Variants in ARHGAP22 observed in about 807,000 individuals in gnomAD.
ARHGAP22 encodes rho GTPase-activating protein 22.
Under a neutral mutation model 59.1 loss-of-function variants are expected in ARHGAP22, and 48 were observed. The ratio of observed to expected loss-of-function variants is 0.81; its 90% CI spans 0.64 to 1.03. ARHGAP22 has a LOEUF of 1.03. Ranked by LOEUF, ARHGAP22 falls within the 50% of genes least tolerant of loss-of-function variation. The pLI, the probability that ARHGAP22 is intolerant of heterozygous loss-of-function variation, is 0.00. For missense variants in ARHGAP22, 1,015 were observed against 958.7 expected, an observed-to-expected ratio of 1.06 and a Z score of -0.78; for synonymous variants, 445 against 416.4, an observed-to-expected ratio of 1.07 and a Z score of -0.84.
intron 4 of ARHGAP22, among the ~76,000 whole-genome samples, chr10:48,472,414 C>T (rs983552047): frequency 2.0e-4 from 31 of 152,058 alleles, no homozygotes; most frequent in Admixed American, 1.8e-3. Context: ...ATCCCAGCTA[C>T]TCAGGAGGCT....
intron 3 of ARHGAP22, among the ~76,000 whole-genome samples, chr10:48,520,873 G>A (rs1263275458): frequency 1.3e-5 from 2 of 152,124 alleles, no homozygotes; most frequent in African/African-American, 2.4e-5. Context: ...CTACCAGTCC[G>A]CTCCTGCCCC....
chr10:48,451,909 A>G (rs2046001788), intron 8 of ARHGAP22, among the ~76,000 whole-genome samples: 1 of 147,654 alleles, frequency 6.8e-6, no homozygotes, highest in South Asian at 2.2e-4. Flanking sequence ...GCCTCCCCAA[A>G]TCCCCCCATA....
At chr10:48,601,566 G>A (rs1036456005) in intron 1 of ARHGAP22, among the ~76,000 whole-genome samples, 18 of 152,116 alleles carry the variant, frequency 1.2e-4, no homozygotes, top group African/African-American at 4.3e-4. Context: ...TGAAGATTTT[G>A]TTTCTTTTAC....
At chr10:48,466,272 C>T (rs1035071049) in intron 4 of ARHGAP22, among the ~76,000 whole-genome samples, 9 of 151,978 alleles carry the variant, frequency 5.9e-5, no homozygotes, top group Admixed American at 3.3e-4. Context: ...TCCCTGCGCC[C>T]CCCCCCAGAC....
intron 2 of ARHGAP22, among the ~76,000 whole-genome samples, chr10:48,569,140 G>T (rs2058242942): frequency 6.6e-6 from 1 of 152,172 alleles, no homozygotes; most frequent in African/African-American, 2.4e-5. Context: ...TATGCTCTGG[G>T]GTATATGGTG....
At position 48,597,639 on chromosome 10, in the gene ARHGAP22, A is replaced by G. The variant is rs566118197; in HGVS notation, c.34+7124T>C. Among the ~76,000 whole-genome samples the G allele has an allele frequency of 1.3e-3, 195 of 152,302 alleles. 2 individuals carry two copies. Among genetic ancestry groups the G allele is most frequent in the East Asian group, 1.2e-3 (6 of 5,178 alleles). Reference sequence around the variant, plus strand: ...TGTAGGCCCTGTTTCTTGCTCCCGCAGGCTGTGCCCCTTGGAAGCCTCTCT... The same window carrying G: ...TGTAGGCCCTGTTTCTTGCTCCCGCGGGCTGTGCCCCTTGGAAGCCTCTCT... On this transcript the variant is annotated intron_variant, in intron 1 of 9. Coordinates refer to ENST00000249601, the MANE Select transcript of ARHGAP22 (RefSeq NM_021226.4).
chr10:48,466,295 T>C (rs921112517), intron 4 of ARHGAP22, among the ~76,000 whole-genome samples: 76 of 150,908 alleles, frequency 5.0e-4, no homozygotes, highest in African/African-American at 1.5e-3. Context: ...TAAGTCCTCG[T>C]CTCTACATGC....
Position 48,635,069 on chromosome 10 carries a change from C to T in ARHGAP22, c.52+17165G>A, listed in dbSNP as rs757155793. 1.5e-3 allele frequency among the ~76,000 whole-genome samples: 223 copies of T among 152,208 alleles called. 1 individual carries two copies. Among genetic ancestry groups the T allele is most frequent in the Middle Eastern group, 6.8e-3 (2 of 294 alleles). ...CCCGAGGTGCTTTGTCATGGCAGCC[C>T]GAGCAGACTCATGTACCTGCCCTCC... On this transcript the variant is annotated intron_variant, in intron 1 of 9. Transcript: ENST00000435790.
At chr10:48,607,002 C>G (rs1372323624), upstream of ARHGAP22, among the ~76,000 whole-genome samples, 1 of 152,168 alleles carries the variant, frequency 6.6e-6, no homozygotes, top group East Asian at 1.9e-4. Flanking sequence ...CTGGTTGGGA[C>G]AGGGGCCACC....
intron 4 of ARHGAP22, among the ~76,000 whole-genome samples, chr10:48,467,963 C>T (rs1324646626): frequency 6.6e-6 from 1 of 152,194 alleles, no homozygotes; most frequent in Non-Finnish European, 1.5e-5. Context: ...ACAAGCCAGG[C>T]ACTCACCACA....
At chr10:48,496,290 ATCC>A (rs2050920021) in intron 3 of ARHGAP22, among the ~76,000 whole-genome samples, 2 of 152,092 alleles carry the variant, frequency 1.3e-5, no homozygotes. Flanking sequence ...AGGATATACA[ATCC>A]TCACATCTCT....
chr10:48,615,416 A>G (rs978211151), intron 1 of ARHGAP22, among the ~76,000 whole-genome samples: 3 of 152,252 alleles, frequency 2.0e-5, no homozygotes, highest in African/African-American at 4.8e-5. Flanking sequence ...TTATTTCAGA[A>G]AAGTTATTAA....
intron 1 of ARHGAP22, among the ~76,000 whole-genome samples, chr10:48,583,882 G>A (rs2059268538): frequency 6.6e-6 from 1 of 152,196 alleles, no homozygotes; most frequent in African/African-American, 2.4e-5. Context: ...GCCTCTGAGT[G>A]CCCGTGAGCC....
At chr10:48,431,216 G>A in the ARHGAP22 span, 1 of 1,611,142 alleles carries the variant, frequency 6.2e-7, no homozygotes, top group East Asian at 2.2e-5. Flanking sequence ...GGAAGTTATG[G>A]ACTTGGAGGA....
At chr10:48,580,877 T>G (rs1235954909) in intron 2 of ARHGAP22, among the ~76,000 whole-genome samples, 1 of 150,466 alleles carries the variant, frequency 6.6e-6, no homozygotes, top group African/African-American at 2.5e-5. Context: ...AACCCCTAGC[T>G]CATCCCTGTG....
chr10:48,481,592 G>A (rs901071687), intron 3 of ARHGAP22, among the ~76,000 whole-genome samples: 11 of 152,140 alleles, frequency 7.2e-5, no homozygotes, highest in Non-Finnish European at 5.9e-5. Context: ...GCCCAGAGCT[G>A]TGCCCCTGTC....
chr10:48,630,240 C>T (rs141054473), intron 1 of ARHGAP22, among the ~76,000 whole-genome samples: 165 of 152,220 alleles, frequency 1.1e-3, no homozygotes, highest in African/African-American at 3.7e-3. Flanking sequence ...TACAGGCCCC[C>T]GCCACCTCGC....
intron 3 of ARHGAP22, chr10:48,493,403 C>T: frequency 6.6e-7 from 1 of 1,525,884 alleles, no homozygotes; most frequent in Non-Finnish European, 8.8e-7. Context: ...CAGCCTGGTC[C>T]TCACAGCCTG....
intron 4 of ARHGAP22, among the ~76,000 whole-genome samples, chr10:48,463,671 C>G (rs1461949587): frequency 6.6e-6 from 1 of 152,232 alleles, no homozygotes; most frequent in Non-Finnish European, 1.5e-5. Flanking sequence ...TCAGAAGTCC[C>G]TGCTACGTGA....
Sources: gnomAD v4.1 joint callset for allele counts (sites outside exome capture counted in the v4.1 genomes callset) on GRCh38, gnomAD v4.1.1 for gene constraint, MANE v1.5 for transcripts, NCBI Gene and HGNC (gene_info 2026-07-23, HGNC 2026-07-21) for gene names.